Variants in TUSC3 observed in about 807,000 individuals in gnomAD.
TUSC3 encodes dolichyl-diphosphooligosaccharide--protein glycosyltransferase subunit TUSC3.
Under a neutral mutation model 44.8 loss-of-function variants are expected in TUSC3, and 45 were observed. That is an observed-to-expected ratio of 1.00 (90% CI 0.79 to 1.29). The LOEUF is 1.29. Ranked by LOEUF, TUSC3 falls within the 50% of genes most tolerant of loss-of-function variation. TUSC3 has a pLI of 0.00. For missense variants in TUSC3, 519 were observed against 437.9 expected (o/e 1.19, Z -1.65); for synonymous variants, 212 against 152.9 (o/e 1.39, Z -2.85).
intron 1 of TUSC3, among the ~76,000 whole-genome samples, chr8:15,445,197 C>T (rs947950635): frequency 2.0e-5 from 3 of 151,998 alleles, no homozygotes; most frequent in African/African-American, 7.3e-5. Flanking sequence ...TTAGGGATGA[C>T]TAAGAATGAC....
intron 1 of TUSC3, among the ~76,000 whole-genome samples, chr8:15,546,782 G>A (rs969649027): frequency 1.3e-4 from 19 of 151,614 alleles, no homozygotes; most frequent in East Asian, 7.9e-4. Flanking sequence ...TGATCTGCCC[G>A]TCTCGGCCTC....
rs377253672 is a variant in TUSC3, at chr8:15,478,731, G to A, written n.92-4655G>A. On this transcript the variant is annotated intron_variant and non_coding_transcript_variant, in intron 1 of 5. Coordinates refer to the TUSC3 transcript ENST00000503191. ...TGTCTTTGCTATTGTGAATAGTGCT[G>A]CAAAGAACATATGTGTGCATGTATC... Among the ~76,000 whole-genome samples, 83 of 152,216 alleles carry A rather than the reference G, an allele frequency of 5.5e-4. 1 individual carries two copies. In the South Asian group the frequency reaches 0.016, roughly 29 times the overall value.
intron 7 of TUSC3, among the ~76,000 whole-genome samples, chr8:15,731,629 A>G (rs1227505074): frequency 2.0e-5 from 3 of 152,138 alleles, no homozygotes; most frequent in Non-Finnish European, 4.4e-5. Context: ...TGTCTTTTTC[A>G]TGGTCTATCC....
chr8:15,518,808 T>C (rs1272322344), intron 2 of TUSC3, among the ~76,000 whole-genome samples: 2 of 152,128 alleles, frequency 1.3e-5, no homozygotes, highest in African/African-American at 2.4e-5. Context: ...TTTTATAGAA[T>C]TAAACACAAA....
At chr8:15,457,732 AAT>A (rs1800276017) in intron 1 of TUSC3, among the ~76,000 whole-genome samples, 1 of 148,674 alleles carries the variant, frequency 6.7e-6, no homozygotes, top group Non-Finnish European at 1.5e-5. Context: ...AATAAAATAA[AAT>A]ATCTAATAAT....
intron 1 of TUSC3, among the ~76,000 whole-genome samples, chr8:15,610,959 A>G (rs1804737207): frequency 6.6e-6 from 1 of 152,144 alleles, no homozygotes; most frequent in African/African-American, 2.4e-5. Context: ...TCTCTAGAAA[A>G]AGTTCACTTA....
chr8:15,777,892 G>A, the TUSC3 span, among the ~76,000 whole-genome samples: 1 of 151,860 alleles, frequency 6.6e-6, no homozygotes, highest in African/African-American at 2.4e-5. Context: ...TCAGTCCCTT[G>A]GAGGAATTAG....
chr8:15,608,614 G>T (rs1032685973), intron 1 of TUSC3, among the ~76,000 whole-genome samples: 5 of 152,098 alleles, frequency 3.3e-5, no homozygotes, highest in Admixed American at 6.6e-5. Flanking sequence ...GGATTATGGG[G>T]GTGGTTTCCC....
chr8:15,748,099 C>A (rs530165684), intron 8 of TUSC3, among the ~76,000 whole-genome samples: 119 of 152,094 alleles, frequency 7.8e-4, no homozygotes, highest in African/African-American at 2.8e-3. Flanking sequence ...AAGAAGAAAA[C>A]CTCCAGAAGA....
chr8:15,545,613 G>A (rs530166207), intron 1 of TUSC3, among the ~76,000 whole-genome samples: 5 of 151,596 alleles, frequency 3.3e-5, no homozygotes, highest in Non-Finnish European at 7.4e-5. Flanking sequence ...ATAGGAGCTT[G>A]GTCAAAAGAG....
intron 1 of TUSC3, among the ~76,000 whole-genome samples, chr8:15,460,517 G>A (rs764594520): frequency 2.2e-4 from 33 of 152,078 alleles, no homozygotes; most frequent in South Asian, 1.0e-3. Context: ...TCCTTTTGCC[G>A]TGCAAAACTC....
At chr8:15,639,359 G>A (rs1260581647) in intron 2 of TUSC3, among the ~76,000 whole-genome samples, 1 of 152,206 alleles carries the variant, frequency 6.6e-6, no homozygotes, top group Non-Finnish European at 1.5e-5. Context: ...TGTGTGCTTA[G>A]TGGGATTTTA....
intron 6 of TUSC3, among the ~76,000 whole-genome samples, chr8:15,714,757 A>G (rs1267025396): frequency 1.3e-5 from 2 of 152,150 alleles, no homozygotes; most frequent in Non-Finnish European, 2.9e-5. Context: ...GAGAAGATGA[A>G]TGTTCAAAAG....
chr8:15,736,353 G>A (rs980382249), intron 7 of TUSC3, among the ~76,000 whole-genome samples: 1 of 152,208 alleles, frequency 6.6e-6, no homozygotes, highest in Non-Finnish European at 1.5e-5. Flanking sequence ...ATATCATGAA[G>A]TGAAAATATG....
the TUSC3 span, chr8:15,806,403 GAT>G: frequency 2.8e-6 from 2 of 721,960 alleles, no homozygotes; most frequent in Non-Finnish European, 5.1e-6. Context: ...TGCTTCTGGT[GAT>G]ACTTTGGGTG....
chr8:15,841,589 C>T, the TUSC3 span, among the ~76,000 whole-genome samples: 13 of 152,102 alleles, frequency 8.5e-5, no homozygotes, highest in Non-Finnish European at 1.9e-4. Flanking sequence ...TCTCGGCTCA[C>T]TGCAACCCCT....
chr8:15,752,448 C>G (rs903004994), intron 9 of TUSC3, among the ~76,000 whole-genome samples: 2 of 151,916 alleles, frequency 1.3e-5, no homozygotes, highest in African/African-American at 2.4e-5. Context: ...ATATTCTTAA[C>G]CAATTTGGGT....
intron 7 of TUSC3, 119 bp downstream of exon 7, chr8:15,730,848 T>C (rs2129208230): frequency 1.1e-6 from 1 of 909,956 alleles, no homozygotes; most frequent in African/African-American, 1.7e-5. Context: ...TTTTAGGCTG[T>C]ACTATATGAC....
the TUSC3 span, among the ~76,000 whole-genome samples, chr8:15,828,483 A>T: frequency 1.3e-5 from 2 of 152,128 alleles, no homozygotes; most frequent in Non-Finnish European, 2.9e-5. Context: ...AGCCACTCTT[A>T]CAACTTCTCT....
Sources: allele counts gnomAD v4.1 joint callset (sites outside exome capture counted in the v4.1 genomes callset), GRCh38; gene constraint gnomAD v4.1.1; transcripts MANE v1.5; gene names NCBI Gene and HGNC (gene_info 2026-07-23, HGNC 2026-07-21).